Variants in THSD4 observed in about 807,000 individuals in gnomAD.
THSD4 encodes thrombospondin type-1 domain-containing protein 4.
A neutral mutation model predicts 119.0 loss-of-function variants in THSD4; 69 were observed. The ratio of observed to expected loss-of-function variants is 0.58; its 90% confidence interval spans 0.48 to 0.71. The LOEUF is 0.71. Among genes scored for constraint, THSD4 ranks in the 30% least tolerant of loss-of-function variants. The probability of loss-of-function intolerance (pLI) is 0.00; values close to 1 mark genes in which losing one functional copy is unlikely to be tolerated. For missense variants in THSD4, 1,393 were observed against 1,391.1 expected, an observed-to-expected ratio of 1.00 and a Z score of -0.02; for synonymous variants, 524 against 540.4, an observed-to-expected ratio of 0.97 and a Z score of 0.42.
intron 7 of THSD4, among the ~76,000 whole-genome samples, chr15:71,483,910 C>G (rs915455029): frequency 6.6e-6 from 1 of 152,144 alleles, no homozygotes; most frequent in Non-Finnish European, 1.5e-5. Flanking sequence ...ATGTGTGTCC[C>G]TGTAAAGGAC....
chr15:71,566,138 TTTTC>T, intron 7 of THSD4, among the ~76,000 whole-genome samples: 1 of 118,492 alleles, frequency 8.4e-6, no homozygotes, highest in Non-Finnish European at 1.7e-5. Context: ...TTTCTTTCTT[TTTTC>T]TTTTTCTTTT....
At chr15:71,754,118 G>A (rs1039489015) in intron 14 of THSD4, among the ~76,000 whole-genome samples, 2 of 119,302 alleles carry the variant, frequency 1.7e-5, no homozygotes, top group South Asian at 2.6e-4. Context: ...GTCTCACTCT[G>A]TCACCCAGGC....
intron 9 of THSD4, chr15:71,730,041 G>A (rs570119309): frequency 3.3e-5 from 5 of 152,308 alleles, no homozygotes; most frequent in African/African-American, 9.6e-5. Flanking sequence ...CATTTCATCA[G>A]TAGGGAGTGG....
intron 7 of THSD4, among the ~76,000 whole-genome samples, chr15:71,621,669 G>C (rs2050420994): frequency 6.6e-6 from 1 of 152,154 alleles, no homozygotes; most frequent in Non-Finnish European, 1.5e-5. Flanking sequence ...TAAAACTGTG[G>C]TGAAAATAAT....
intron 1 of THSD4, among the ~76,000 whole-genome samples, chr15:71,100,334 G>A (rs1000081949): frequency 2.6e-5 from 4 of 152,178 alleles, no homozygotes; most frequent in African/African-American, 9.7e-5. Flanking sequence ...TCCTGGCTTT[G>A]ATGAAGTAAG....
At chr15:71,656,287 A>C (rs930847494) in intron 7 of THSD4, among the ~76,000 whole-genome samples, 3 of 152,158 alleles carry the variant, frequency 2.0e-5, no homozygotes, top group African/African-American at 7.2e-5. Flanking sequence ...GTTATGTAAG[A>C]TATTATCGTT....
Position 71,335,206 on chromosome 15 carries a change from A to G in THSD4, c.1016-76481A>G, listed in dbSNP as rs146167843. Among the ~76,000 whole-genome samples, 7 of 152,144 alleles carry G rather than the reference A, an allele frequency of 4.6e-5. No individual in the cohort carries two copies. The East Asian group carries it at 1.3e-3, about 29-fold the overall frequency. ...TGAGGTGCTTAGAGCAGTGCCTGGA[A>G]CACAGCTCACGTTCAGGAAATGCAA... On this transcript the variant is annotated intron_variant, in intron 6 of 17. Transcript: ENST00000261862.
intron 1 of THSD4, among the ~76,000 whole-genome samples, chr15:71,123,583 A>G (rs1303379963): frequency 6.6e-6 from 1 of 152,072 alleles, no homozygotes; most frequent in Non-Finnish European, 1.5e-5. Flanking sequence ...GGGGAGTAAT[A>G]GTATACTTAC....
chr15:71,507,387 T>G (rs1462117708), intron 7 of THSD4, among the ~76,000 whole-genome samples: 1 of 152,242 alleles, frequency 6.6e-6, no homozygotes, highest in African/African-American at 2.4e-5. Context: ...GGACAGATTT[T>G]GAGTTGTTTG....
At chr15:71,330,467 C>T (rs2140372440) in intron 6 of THSD4, among the ~76,000 whole-genome samples, 1 of 152,294 alleles carries the variant, frequency 6.6e-6, no homozygotes, top group East Asian at 1.9e-4. Context: ...CTGCTAAAAT[C>T]CAGGCCAGGA....
chr15:71,413,089 G>A (rs900085989), intron 7 of THSD4, among the ~76,000 whole-genome samples: 10 of 152,136 alleles, frequency 6.6e-5, no homozygotes, highest in African/African-American at 2.2e-4. Flanking sequence ...TCAGCTCACT[G>A]CAACCTCTGC....
intron 7 of THSD4, among the ~76,000 whole-genome samples, chr15:71,636,506 CAG>C (rs1343038157): frequency 1.3e-5 from 2 of 152,156 alleles, no homozygotes; most frequent in Non-Finnish European, 2.9e-5. Flanking sequence ...AAACAAAAAT[CAG>C]AGATACTCAA....
chr15:71,636,286 G>A (rs2050738042), intron 7 of THSD4, among the ~76,000 whole-genome samples: 2 of 152,228 alleles, frequency 1.3e-5, no homozygotes, highest in Admixed American at 6.5e-5. Context: ...AGCTGGGCAT[G>A]GTGGCAGGTG....
chr15:71,635,510 G>A (rs944618804), intron 7 of THSD4, among the ~76,000 whole-genome samples: 21 of 152,182 alleles, frequency 1.4e-4, no homozygotes, highest in African/African-American at 4.8e-4. Context: ...CCAATTTACA[G>A]TAGTGACTTT....
intron 1 of THSD4, among the ~76,000 whole-genome samples, chr15:71,117,003 G>A (rs2040368428): frequency 6.6e-6 from 1 of 152,062 alleles, no homozygotes; most frequent in Admixed American, 6.5e-5. Context: ...ATGTGAGGAA[G>A]CAAGCAGATG....
Position 71,115,719 on chromosome 15 carries a change from C to T in THSD4, c.-80+21C>T, listed in dbSNP as rs2141348821. 1 of 147,594 alleles carries T rather than the reference C, an allele frequency of 6.8e-6. No individual in the cohort carries two copies. The highest frequency in any genetic ancestry group is 6.7e-5 in the Admixed American group (1 of 14,856). The allele number at this position is 147,594 out of a possible 1,614,324, so 9.1% of individuals were successfully genotyped here. A position where few individuals can be genotyped will look rare whatever the true frequency, so the allele number is the denominator to read the frequency against. ...GCCAGGTGAGCAGAGCCGCGCGCCC[C>T]GCGTCCCCTGCGCGCCGCCCGCGCG... On this transcript the variant is annotated intron_variant, in intron 1 of 17. Transcript: ENST00000261862. This position sits in a 1 kb window ranked among gnomAD's most constrained non-coding sequence, Gnocchi z 4.4.
At chr15:71,605,478 G>C (rs1028280216) in intron 7 of THSD4, among the ~76,000 whole-genome samples, 5 of 152,214 alleles carry the variant, frequency 3.3e-5, no homozygotes, top group African/African-American at 9.6e-5. Context: ...GGACAGAACA[G>C]AAGAAGAAGT....
chr15:71,381,500 GA>G lies in THSD4; in HGVS notation c.1016-30185del, dbSNP rs1196375519. On this transcript the variant is annotated intron_variant, in intron 6 of 17. Coordinates refer to ENST00000261862, the MANE Select transcript of THSD4 (RefSeq NM_024817.3). ...GTCAGTTTCTTCCTAAGCATTCTGG[GA>G]ATTATTACCCTTCCATTGGAATTAT... Among the ~76,000 whole-genome samples, 8 of 152,288 alleles carry G rather than the reference GA, an allele frequency of 5.3e-5. No homozygotes were observed. In the East Asian group the frequency reaches 1.3e-3, roughly 26 times the overall value.
At chr15:71,181,658 A>G (rs959029646) in intron 3 of THSD4, among the ~76,000 whole-genome samples, 3 of 152,230 alleles carry the variant, frequency 2.0e-5, no homozygotes, top group African/African-American at 7.2e-5. Flanking sequence ...TGCCATCCCC[A>G]GCTTTGGCTG....
Sources: gnomAD v4.1 joint callset for allele counts (sites outside exome capture counted in the v4.1 genomes callset) on GRCh38, gnomAD v4.1.1 for gene constraint, Gnocchi (gnomAD v3.1) non-coding constraint, MANE v1.5 for transcripts, NCBI Gene and HGNC (gene_info 2026-07-23, HGNC 2026-07-21) for gene names.